DCDC2B: variants seen among roughly 807,000 people sequenced by gnomAD.
DCDC2B encodes doublecortin domain containing 2B, also known as doublecortin domain-containing protein 2B.
DCDC2B carries 41 observed loss-of-function variants against 38.9 expected under a neutral mutation model. The ratio of observed to expected loss-of-function variants is 1.05; its 90% CI spans 0.82 to 1.37. The LOEUF is 1.37. DCDC2B is among the 40% of genes most tolerant of loss of function. DCDC2B has a pLI of 0.00. For missense variants in DCDC2B, 453 were observed against 427.2 expected, an observed-to-expected ratio of 1.06 and a Z score of -0.53; for synonymous variants, 181 against 171.9, an observed-to-expected ratio of 1.05 and a Z score of -0.41.
At chr1:32,214,492 A>G in intron 6 of DCDC2B, 1 of 357,754 alleles carries the variant, frequency 2.8e-6, no homozygotes, top group Non-Finnish European at 5.2e-6. Flanking sequence ...GGGAACTTAT[A>G]TTATCCAGCT....
At position 32,215,917 on chromosome 1, in the gene DCDC2B, G is replaced by A. The variant is rs1638345893; in HGVS notation, c.*20G>A. On this transcript the variant is annotated 3_prime_UTR_variant, in exon 9 of 9. Coordinates refer to ENST00000409358, the MANE Select transcript of DCDC2B (RefSeq NM_001099434.2). ...TCTTGAGAGCCAGCAGCTCCAGAGG[G>A]CAACTGGGGACCACTACTCTGGCCA... 1 of 1,540,670 alleles carries A rather than the reference G, an allele frequency of 6.5e-7. No homozygotes were observed. Among genetic ancestry groups the A allele is most frequent in the Non-Finnish European group, 8.8e-7 (1 of 1,138,006 alleles).
At chr1:32,210,358 C>T (rs1314602569) in intron 1 of DCDC2B, among the ~76,000 whole-genome samples, 1 of 148,800 alleles carries the variant, frequency 6.7e-6, no homozygotes, top group Non-Finnish European at 1.5e-5. Context: ...ATCAGCCAGG[C>T]CTGGTAGCAC....
intron 1 of DCDC2B, among the ~76,000 whole-genome samples, chr1:32,210,274 C>G (rs1173669827): frequency 6.7e-6 from 1 of 149,164 alleles, no homozygotes; most frequent in African/African-American, 2.5e-5. Context: ...TGCAGTGAGC[C>G]GAGATCGTGC....
In DCDC2B at chr1:32,212,509, C is replaced by T. The variant is rs779823300; in HGVS notation, c.547C>T (p.Leu183Phe). Residue 183 changes from leucine to phenylalanine, a missense_variant, in exon 5 of 9, where the codon CTC (leucine) becomes TTC (phenylalanine). Coordinates refer to ENST00000409358, the MANE Select transcript of DCDC2B (RefSeq NM_001099434.2). The part of the protein sequence containing the change: ...AVCKLCTLEG[L>F]PLSAGKELVT... ...TCCCAGACTCTGCACCCTAGAGGGG[C>T]TCCCACTGTCAGCAGGGAAGGAGCT... is the stretch of plus-strand genomic sequence containing the variant. 1.2e-6 allele frequency: 2 copies of T among 1,614,034 alleles called. No homozygotes were observed. The highest frequency in any genetic ancestry group is 1.7e-6 in the Non-Finnish European group (2 of 1,179,884).
At chr1:32,212,898 TC>T (rs2124209525) in intron 6 of DCDC2B, 105 bp downstream of exon 6, 1 of 1,369,706 alleles carries the variant, frequency 7.3e-7, no homozygotes, top group South Asian at 1.3e-5. Flanking sequence ...CTCTCTTTTT[TC>T]TTTTTCTTTG....
intron 2 of DCDC2B, 101 bp downstream of exon 2, chr1:32,211,424 C>A: frequency 8.0e-7 from 1 of 1,251,010 alleles, no homozygotes; most frequent in Non-Finnish European, 1.1e-6. Flanking sequence ...GCAGGATCTG[C>A]CAGTTCCAGG....
intron 1 of DCDC2B, among the ~76,000 whole-genome samples, chr1:32,210,497 CAAAAAGAAAA>C (rs1643540054): frequency 1.4e-5 from 2 of 138,132 alleles, no homozygotes; most frequent in Non-Finnish European, 3.1e-5. Flanking sequence ...GACTCTGTCT[CAAAAAGAAAA>C]AAAAAGAGAA....
At chr1:32,214,976 A>C (rs1376973195) in intron 7 of DCDC2B, 44 bp downstream of exon 7, 4 of 1,611,600 alleles carry the variant, frequency 2.5e-6, no homozygotes, top group Non-Finnish European at 3.4e-6. Flanking sequence ...CTGCCCTTTG[A>C]CAGTGACATA....
rs1193872644 is a variant in DCDC2B at position 32,209,373 on chromosome 1, G to A, written c.266+14G>A. The stretch of plus-strand genomic sequence containing the variant: ...CCACAAGCTCCAGTGAGTGGGCTGG[G>A]GCTGGTCAAACAGCCTAGCAAGGGA... On this transcript the variant is annotated intron_variant, in intron 1 of 8. Transcript: ENST00000409358. 2 of 1,612,442 alleles carry A rather than the reference G, an allele frequency of 1.2e-6. No homozygotes were observed. The highest frequency in any genetic ancestry group is 2.7e-5 in the African/African-American group (2 of 74,864).
intron 8 of DCDC2B, 29 bp downstream of exon 8, chr1:32,215,572 T>C (rs752233679): frequency 1.9e-6 from 3 of 1,603,158 alleles, no homozygotes; most frequent in South Asian, 1.1e-5. Flanking sequence ...AAACAGTATG[T>C]TGGGGTGGGA....
chr1:32,214,279 T>A, intron 6 of DCDC2B, among the ~76,000 whole-genome samples: 1 of 128,502 alleles, frequency 7.8e-6, no homozygotes. Flanking sequence ...ACCACTGCAC[T>A]CCAGCCTGGG....
At chr1:32,215,657 T>C in intron 8 of DCDC2B, 114 bp downstream of exon 8, 2 of 1,117,268 alleles carry the variant, frequency 1.8e-6, no homozygotes, top group African/African-American at 3.2e-5. Flanking sequence ...AAGTAAATGA[T>C]CTCCTAACTT....
At chr1:32,214,774 C>T in intron 6 of DCDC2B, 23 bp from the exon 7 acceptor site, 8 of 1,613,514 alleles carry the variant, frequency 5.0e-6, no homozygotes, top group Non-Finnish European at 6.8e-6. Context: ...AATCAGGGTC[C>T]AAGCCCAGTG....
chr1:32,215,960 C>A lies in DCDC2B; in HGVS notation c.*63C>A, dbSNP rs1248793751. 1 of 1,374,810 alleles carries A rather than the reference C, an allele frequency of 7.3e-7. No homozygotes were observed. The allele number at this position is 1,374,810 out of a possible 1,614,324, so 85.2% of individuals were successfully genotyped here. On this transcript the variant is annotated 3_prime_UTR_variant, in exon 9 of 9. Coordinates refer to ENST00000409358, the MANE Select transcript of DCDC2B (RefSeq NM_001099434.2). ...TCTGGCCACCTTTTGTCCTTAGCCT[C>A]CAGCAGCTTGTTCCTCAGGAGCCAG...
In DCDC2B at chr1:32,212,800, G is replaced by T; in HGVS notation, c.714+7G>T. The T allele has an allele frequency of 6.2e-7, 1 of 1,613,474 alleles. No individual in the cohort carries two copies. The highest frequency in any genetic ancestry group is 1.1e-5 in the South Asian group (1 of 91,030). On this transcript the variant is annotated splice_region_variant and intron_variant, in intron 6 of 8. Transcript: ENST00000409358. ...TAGGCCCCACAGGCAGGGGGTAGGT[G>T]ACGCAGGGGACAATGAGGGGTGGGA... is the stretch of plus-strand genomic sequence containing the variant.
At chr1:32,209,537 A>G (rs1206460349) in intron 1 of DCDC2B, among the ~76,000 whole-genome samples, 178 bp downstream of exon 1, 1 of 152,212 alleles carries the variant, frequency 6.6e-6, no homozygotes, top group Admixed American at 6.5e-5. Flanking sequence ...CTAAAAGTAC[A>G]TAACAAATAG....
rs765733487 is a variant in DCDC2B at position 32,209,232 on chromosome 1, G to A, written c.139G>A (p.Val47Met). Reference protein sequence around the residue: ...EAFLCEVTSAVQAPLAVRALY... With the variant: ...EAFLCEVTSAMQAPLAVRALY... ...CTTCCTCTGCGAGGTGACATCAGCT[G>A]TGCAGGCCCCACTGGCTGTGCGTGC... The change falls in exon 1 of 9, where the codon GTG (valine) becomes ATG (methionine). Residue 47 changes from valine to methionine, a missense_variant. By Grantham distance (21) the Val-to-Met change is conservative. Coordinates refer to ENST00000409358, the MANE Select transcript of DCDC2B (RefSeq NM_001099434.2). 12 of 1,614,046 alleles carry A rather than the reference G, an allele frequency of 7.4e-6. No individual in the cohort carries two copies. The Admixed American group carries it at 2.0e-4, about 27-fold the overall frequency.
In DCDC2B at chr1:32,213,711, C is replaced by T. The variant is rs986834518; in HGVS notation, c.714+918C>T. ...ATTTTTAGTAGAGACGGGGTTTCAC[C>T]GTGTTAGCCAGGATGGTCTCGATCT... On this transcript the variant is annotated intron_variant, in intron 6 of 8. Coordinates refer to ENST00000409358, the MANE Select transcript of DCDC2B (RefSeq NM_001099434.2). Among the ~76,000 whole-genome samples, 16 of 151,746 alleles carry T rather than the reference C, an allele frequency of 1.1e-4. 1 individual carries two copies. Among genetic ancestry groups the T allele is most frequent in the South Asian group, 4.2e-4 (2 of 4,790 alleles).
Position 32,212,820 on chromosome 1 carries a change from G to A in DCDC2B, c.714+27G>A, listed in dbSNP as rs749684466. The A allele has an allele frequency of 1.6e-5, 25 of 1,611,970 alleles. No individual in the cohort carries two copies. In the Admixed American group the frequency reaches 1.7e-4, roughly 11 times the overall value. On this transcript the variant is annotated intron_variant, in intron 6 of 8. Coordinates refer to ENST00000409358, the MANE Select transcript of DCDC2B (RefSeq NM_001099434.2). The stretch of plus-strand genomic sequence containing the variant: ...TAGGTGACGCAGGGGACAATGAGGG[G>A]TGGGAAGAAGGGGAGTGACTGGCTG...
Sources: gnomAD v4.1 joint callset for allele counts (sites outside exome capture counted in the v4.1 genomes callset) on GRCh38, gnomAD v4.1.1 for gene constraint, MANE v1.5 for transcripts, NCBI Gene and HGNC (gene_info 2026-07-23, HGNC 2026-07-21) for gene names.